DRAM1: variants seen among roughly 807,000 people sequenced by gnomAD.
DRAM1 encodes the protein DNA damage-regulated autophagy modulator protein 1.
In DRAM1, 25 loss-of-function variants were observed where a neutral mutation model predicts 28.5. The observed-to-expected ratio is 0.88, with a 90% CI of 0.64 to 1.23. The LOEUF is 1.23. DRAM1 is among the 50% of genes most tolerant of loss of function. The pLI, the probability that DRAM1 is intolerant of heterozygous loss-of-function variation, is 0.00. For synonymous variants in DRAM1, 113 were observed against 114.2 expected, an observed-to-expected ratio of 0.99 and a Z score of 0.07; for missense variants, 249 against 299.2, an observed-to-expected ratio of 0.83 and a Z score of 1.24.
intron 1 of DRAM1, among the ~76,000 whole-genome samples, chr12:101,879,944 CAG>C (rs1310042504): frequency 1.3e-5 from 2 of 149,496 alleles, no homozygotes; most frequent in Non-Finnish European, 1.5e-5. Context: ...TGAGCCGAGA[CAG>C]AGCTACTGCA....
intron 5 of DRAM1, among the ~76,000 whole-genome samples, chr12:101,919,027 TCCTC>T (rs1299622928): frequency 1.3e-5 from 2 of 151,880 alleles, no homozygotes; most frequent in Non-Finnish European, 2.9e-5. Context: ...GCTCAAGTGA[TCCTC>T]CCAGTTCAGC....
intron 3 of DRAM1, among the ~76,000 whole-genome samples, chr12:101,906,318 G>T (rs1408017861): frequency 1.3e-5 from 2 of 152,010 alleles, no homozygotes; most frequent in African/African-American, 2.4e-5. Flanking sequence ...GCTCCAGCTT[G>T]AGGTTGAACT....
intron 3 of DRAM1, among the ~76,000 whole-genome samples, chr12:101,901,789 G>T (rs1873613180): frequency 6.7e-6 from 1 of 148,536 alleles, no homozygotes. Context: ...TGAGGCAGGA[G>T]AATTGTTTGA....
chr12:101,892,131 A>G (rs375477823), intron 1 of DRAM1, among the ~76,000 whole-genome samples: 1 of 152,246 alleles, frequency 6.6e-6, no homozygotes, highest in Admixed American at 6.5e-5. Context: ...AGCAAAAAAC[A>G]AACCAACAAA....
At chr12:101,917,056 T>G (rs1041193797) in intron 5 of DRAM1, among the ~76,000 whole-genome samples, 1 of 152,242 alleles carries the variant, frequency 6.6e-6, no homozygotes, top group Non-Finnish European at 1.5e-5. Flanking sequence ...CTATGGCATA[T>G]GCAGCTGAAT....
chr12:101,908,197 G>A lies in DRAM1; in HGVS notation c.354G>A (p.Val118=). The A allele has an allele frequency of 6.2e-7, 1 of 1,609,278 alleles. No homozygotes were observed. The highest frequency in any genetic ancestry group is 8.5e-7 in the Non-Finnish European group (1 of 1,178,452). The change falls in exon 4 of 7, where the codon GTG becomes GTA. Residue 118 remains valine, a synonymous_variant. Transcript: ENST00000258534. ...GACTTTTTCTCCAGGAGTTAGCTGT[G>A]CCAGTGGTTCATGACGGGGGCGCTC... ...GIVANFQELA[V]PVVHDGGALL... is the part of the protein sequence containing the mutation.
chr12:101,877,780 CG>C lies in DRAM1; in HGVS notation c.-8del. 2 of 1,485,754 alleles carry C rather than the reference CG, an allele frequency of 1.3e-6. No homozygotes were observed. The highest frequency in any genetic ancestry group is 1.8e-6 in the Non-Finnish European group (2 of 1,114,110). The allele number at this position is 1,485,754 out of a possible 1,614,324, so 92.0% of individuals were successfully genotyped here. ...GGGCGCAGCACTCCGTCGGCGGCGG[CG>C]GCGGCGCGATGCTGTGCTTCCTGAG... On this transcript the variant is annotated 5_prime_UTR_variant, in exon 1 of 7. Coordinates refer to ENST00000258534, the MANE Select transcript of DRAM1 (RefSeq NM_018370.3). This position sits in a 1 kb window ranked among gnomAD's most constrained non-coding sequence, Gnocchi z 4.1.
chr12:101,900,501 C>T (rs1404139460), intron 2 of DRAM1, among the ~76,000 whole-genome samples: 1 of 152,008 alleles, frequency 6.6e-6, no homozygotes, highest in Admixed American at 6.6e-5. Context: ...TATCGACAAG[C>T]CCAAGAGAAG....
chr12:101,920,154 G>C lies in DRAM1; in HGVS notation c.625G>C (p.Ala209Pro), dbSNP rs768891066. 1.2e-6 allele frequency: 2 copies of C among 1,612,094 alleles called. 1 individual carries two copies. The change falls in exon 6 of 7, where the codon GCC becomes CCC. Residue 209 changes from alanine (A) to proline (P), a missense_variant. Physicochemically the swap from Ala to Pro is conservative, Grantham distance 27 (BLOSUM62 -1). This residue lies in a region of DRAM1 where 15 missense variants were observed against 39.9 expected (regional missense o/e 0.38). Coordinates refer to ENST00000258534, the MANE Select transcript of DRAM1 (RefSeq NM_018370.3). Reference protein sequence around the residue: ...VVSAICEWTVAFGFIFYFLTF... With the variant: ...VVSAICEWTVPFGFIFYFLTF... ...GAGTGCGATCTGTGAATGGACAGTGGCCTTTGGTTTTATTTTCTACTTCCT... is the reference window on the plus strand; with the variant it reads ...GAGTGCGATCTGTGAATGGACAGTGCCCTTTGGTTTTATTTTCTACTTCCT...
At chr12:101,888,431 G>A (rs755518088) in intron 1 of DRAM1, among the ~76,000 whole-genome samples, 6 of 151,774 alleles carry the variant, frequency 4.0e-5, no homozygotes, top group Admixed American at 1.3e-4. Context: ...GTGCCTGGCC[G>A]AAAAGTATTA....
rs1344467555 is a variant in DRAM1 at position 101,922,899 on chromosome 12, A to G, written c.*1639A>G. 2.0e-5 allele frequency: 3 copies of G among 152,106 alleles called. No individual in the cohort carries two copies. The highest frequency in any genetic ancestry group is 6.5e-5 in the Admixed American group (1 of 15,276). The allele number at this position is 152,106 out of a possible 1,614,324, so 9.4% of individuals were successfully genotyped here. A position where few individuals can be genotyped will look rare whatever the true frequency, so the allele number is the denominator to read the frequency against. ...GATTGCTTGAGCCTGGGACTTCGAG[A>G]CCAGACTGGGAAACATGGCAAAATC... is the stretch of plus-strand genomic sequence containing the variant. On this transcript the variant is annotated 3_prime_UTR_variant, in exon 7 of 7. Transcript: ENST00000258534.
In DRAM1 at chr12:101,910,479, G is replaced by GT. The variant is rs772877223; in HGVS notation, c.520+2132dup. Among the ~76,000 whole-genome samples, 876 of 139,204 alleles carry GT rather than the reference G, an allele frequency of 6.3e-3. 2 individuals carry two copies. Among genetic ancestry groups the GT allele is most frequent in the African/African-American group, 9.1e-3 (344 of 37,904 alleles). The allele number at this position is 139,204 out of a possible 152,430, so 91.3% of individuals were successfully genotyped here. Reference sequence around the variant, plus strand: ...TACTAATAATTCTCATTTCTAGAAAGTTTTTTTTTTTTTTTTGAGACAGAG... The same window carrying GT: ...TACTAATAATTCTCATTTCTAGAAAGTTTTTTTTTTTTTTTTTGAGACAGAG... On this transcript the variant is annotated intron_variant, in intron 4 of 6. Transcript: ENST00000258534.
In DRAM1 at chr12:101,921,239, A is replaced by C; in HGVS notation, c.696A>C (p.Thr232=). 1.2e-6 allele frequency: 2 copies of C among 1,607,620 alleles called. No homozygotes were observed. Residue 232 remains threonine (T), a synonymous_variant, in exon 7 of 7, where the codon ACA becomes ACC. Coordinates refer to ENST00000258534, the MANE Select transcript of DRAM1 (RefSeq NM_018370.3). ...DFQSVTLRIS[T]EINGDI is the part of the protein sequence containing the mutation. ...AGAGTGTCACCCTAAGGATATCCACAGAAATCAATGGTGATATTTGAAGAA... is the reference window on the plus strand; with the variant it reads ...AGAGTGTCACCCTAAGGATATCCACCGAAATCAATGGTGATATTTGAAGAA...
At chr12:101,890,614 AG>A (rs1873081909) in intron 1 of DRAM1, among the ~76,000 whole-genome samples, 1 of 124,656 alleles carries the variant, frequency 8.0e-6, no homozygotes, top group South Asian at 2.6e-4. Context: ...TGTGAACAAG[AG>A]GGAACTCTGA....
chr12:101,895,566 A>AT (rs553634247), intron 1 of DRAM1, among the ~76,000 whole-genome samples: 6,154 of 103,246 alleles, frequency 0.06, 629 homozygotes, highest in African/African-American at 0.19. Context: ...AAGGGAGGCT[A>AT]TTTTTTTTTT....
intron 1 of DRAM1, among the ~76,000 whole-genome samples, chr12:101,894,648 C>T (rs1034707081): frequency 2.6e-5 from 4 of 152,160 alleles, no homozygotes; most frequent in South Asian, 2.1e-4. Context: ...CATGTGGACT[C>T]CACACCTGGG....
chr12:101,888,368 C>A (rs1439911916), intron 1 of DRAM1, among the ~76,000 whole-genome samples: 1 of 151,792 alleles, frequency 6.6e-6, no homozygotes, highest in African/African-American at 2.4e-5. Context: ...TGACCTCAGG[C>A]GATCCACCCA....
intron 4 of DRAM1, among the ~76,000 whole-genome samples, chr12:101,911,252 G>C (rs965649754): frequency 1.3e-5 from 2 of 152,102 alleles, no homozygotes; most frequent in African/African-American, 4.8e-5. Flanking sequence ...AGAGTTGAAA[G>C]CATCTTTAAA....
At chr12:101,913,111 A>G (rs137870557) in intron 4 of DRAM1, among the ~76,000 whole-genome samples, 204 of 152,252 alleles carry the variant, frequency 1.3e-3, no homozygotes, top group Non-Finnish European at 2.1e-3. Context: ...TCTAAGTTCA[A>G]TCAAAATGGT....
Sources: allele counts gnomAD v4.1 joint callset (sites outside exome capture counted in the v4.1 genomes callset), GRCh38; gene constraint gnomAD v4.1.1; regional missense constraint gnomAD v4.1.1; non-coding constraint Gnocchi (gnomAD v3.1); transcripts MANE v1.5; gene names NCBI Gene and HGNC (gene_info 2026-07-23, HGNC 2026-07-21).